Variants in SYT1 observed in about 807,000 individuals in gnomAD.
SYT1 encodes the protein synaptotagmin 1.
A neutral mutation model predicts 44.8 loss-of-function variants in SYT1; 8 were observed. That is an observed-to-expected ratio of 0.18 (90% CI 0.10 to 0.32). The LOEUF (loss-of-function observed/expected upper bound fraction) is 0.32, where lower values mean the gene tolerates loss of function less well. Ranked by LOEUF, SYT1 falls within the 10% of genes least tolerant of loss-of-function variation. The pLI, the probability that SYT1 is intolerant of heterozygous loss-of-function variation, is 1.00. For missense variants in SYT1, 286 were observed against 509.3 expected (o/e 0.56, Z 4.22); for synonymous variants, 154 against 188.8 (o/e 0.82, Z 1.51).
At chr12:79,018,809 T>G (rs1401089654) in intron 2 of SYT1, among the ~76,000 whole-genome samples, 1 of 152,084 alleles carries the variant, frequency 6.6e-6, no homozygotes, top group African/African-American at 2.4e-5. Flanking sequence ...GAAAGACATG[T>G]TAATCTCAGT....
intron 3 of SYT1, among the ~76,000 whole-genome samples, chr12:79,198,598 C>A (rs953207277): frequency 1.3e-5 from 2 of 152,136 alleles, no homozygotes; most frequent in African/African-American, 4.8e-5. Context: ...CATGAACTCT[C>A]TCTGGACGGT....
In SYT1 at chr12:79,144,217, C is replaced by A. The variant is rs191520248; in HGVS notation, c.-17-73286C>A. ...GTGGAATATACTGGCAGGCACCAGACTTATTTCTCCTGAATCTCAAAAGTG... is the reference window on the plus strand; with the variant it reads ...GTGGAATATACTGGCAGGCACCAGAATTATTTCTCCTGAATCTCAAAAGTG... On this transcript the variant is annotated intron_variant, in intron 3 of 10. Coordinates refer to ENST00000261205, the MANE Select transcript of SYT1 (RefSeq NM_005639.3). 3.8e-3 allele frequency among the ~76,000 whole-genome samples: 585 copies of A among 152,300 alleles called. 3 individuals carry two copies. The highest frequency in any genetic ancestry group is 0.013 in the African/African-American group (553 of 41,570).
chr12:79,195,520 A>T (rs2138470070), intron 3 of SYT1, among the ~76,000 whole-genome samples: 1 of 152,098 alleles, frequency 6.6e-6, no homozygotes, highest in South Asian at 2.1e-4. Flanking sequence ...AAAAAAAAAA[A>T]AAAAAGAGAA....
At chr12:79,063,380 T>G (rs1047460860) in intron 3 of SYT1, among the ~76,000 whole-genome samples, 1 of 152,218 alleles carries the variant, frequency 6.6e-6, no homozygotes, top group Non-Finnish European at 1.5e-5. Flanking sequence ...AGCATAATAA[T>G]GTTTTTGAGA....
intron 5 of SYT1, 119 bp from the exon 6 acceptor site, chr12:79,291,889 A>G (rs780504645): frequency 2.0e-5 from 25 of 1,219,554 alleles, no homozygotes; most frequent in Non-Finnish European, 2.9e-5. Context: ...TCAGACAAAC[A>G]GATTTCCAGC....
chr12:79,126,400 G>A (rs1354922972), intron 3 of SYT1, among the ~76,000 whole-genome samples: 2 of 152,056 alleles, frequency 1.3e-5, no homozygotes, highest in Non-Finnish European at 2.9e-5. Flanking sequence ...AGCTGGGATT[G>A]CAGGCATGTG....
chr12:79,304,489 T>A (rs1337615400), intron 8 of SYT1, among the ~76,000 whole-genome samples: 1 of 152,194 alleles, frequency 6.6e-6, no homozygotes, highest in Admixed American at 6.5e-5. Flanking sequence ...TTGTTTTTGG[T>A]TTTGAAAATG....
intron 1 of SYT1, among the ~76,000 whole-genome samples, chr12:78,973,233 AC>A (rs1383837087): frequency 9.2e-5 from 14 of 152,182 alleles, no homozygotes; most frequent in African/African-American, 3.4e-4. Context: ...CATATGCATT[AC>A]CTCAAATAAT....
At chr12:79,208,567 G>C (rs943013948) in intron 3 of SYT1, among the ~76,000 whole-genome samples, 1 of 152,156 alleles carries the variant, frequency 6.6e-6, no homozygotes, top group Non-Finnish European at 1.5e-5. Flanking sequence ...ACAGGAGAGA[G>C]GGATACGAGA....
intron 3 of SYT1, among the ~76,000 whole-genome samples, chr12:79,207,518 C>G (rs1257910681): frequency 6.6e-6 from 1 of 152,178 alleles, no homozygotes; most frequent in African/African-American, 2.4e-5. Context: ...TCCTGATGCT[C>G]TCCCTGCCCC....
intron 8 of SYT1, among the ~76,000 whole-genome samples, chr12:79,352,372 T>A (rs953535768): frequency 6.6e-6 from 1 of 152,172 alleles, no homozygotes; most frequent in East Asian, 1.9e-4. Context: ...TTTCTGTAGC[T>A]CATTCCTATG....
At chr12:79,052,454 T>C (rs931485261) in intron 3 of SYT1, among the ~76,000 whole-genome samples, 9 of 152,128 alleles carry the variant, frequency 5.9e-5, no homozygotes, top group African/African-American at 2.2e-4. Flanking sequence ...GGGCAAGGAC[T>C]TCATGTCTAA....
intron 3 of SYT1, among the ~76,000 whole-genome samples, chr12:79,070,429 G>A (rs376457195): frequency 1.1e-3 from 167 of 151,964 alleles, no homozygotes; most frequent in Non-Finnish European, 1.3e-3. Flanking sequence ...TTGATTATTA[G>A]CGTTGCATTA....
chr12:78,876,461 G>GTT lies in SYT1; in HGVS notation c.-217+11353_-217+11354insTT, dbSNP rs1491347037. 4.3e-4 allele frequency among the ~76,000 whole-genome samples: 13 copies of GTT among 30,232 alleles called. 2 individuals carry two copies. The highest frequency in any genetic ancestry group is 2.3e-3 in the South Asian group (3 of 1,300). The allele number at this position is 30,232 out of a possible 152,430, so 19.8% of individuals were successfully genotyped here. On this transcript the variant is annotated intron_variant, in intron 1 of 10. Coordinates refer to ENST00000261205, the MANE Select transcript of SYT1 (RefSeq NM_005639.3). ...ATAATAACATGTTTTGAAAATGGAGGTGTTTTTTTTTTTTTTTTTTTTGCC... is the reference window on the plus strand; with the variant it reads ...ATAATAACATGTTTTGAAAATGGAGGTTTGTTTTTTTTTTTTTTTTTTTTGCC...
At chr12:79,352,293 G>A (rs545771320) in intron 8 of SYT1, among the ~76,000 whole-genome samples, 1 of 151,702 alleles carries the variant, frequency 6.6e-6, no homozygotes, top group Non-Finnish European at 1.5e-5. Flanking sequence ...TAACATATAT[G>A]TCAAGTTATA....
intron 4 of SYT1, among the ~76,000 whole-genome samples, chr12:79,240,082 G>A (rs1170917851): frequency 1.3e-5 from 2 of 152,108 alleles, no homozygotes; most frequent in Non-Finnish European, 2.9e-5. Context: ...TTACAGTCAC[G>A]GATCTTTCCC....
At chr12:79,168,298 A>G (rs1871327469) in intron 3 of SYT1, among the ~76,000 whole-genome samples, 2 of 152,040 alleles carry the variant, frequency 1.3e-5, no homozygotes, top group South Asian at 4.1e-4. Context: ...TCCTAACTCA[A>G]TGGGTTGTTG....
chr12:79,243,794 AAAGT>A (rs1876655589), intron 4 of SYT1, among the ~76,000 whole-genome samples: 1 of 152,116 alleles, frequency 6.6e-6, no homozygotes, highest in African/African-American at 2.4e-5. Context: ...CTTAGCATAA[AAAGT>A]AAGGAAGGAG....
intron 4 of SYT1, among the ~76,000 whole-genome samples, chr12:79,275,163 G>A (rs1440267640): frequency 1.3e-5 from 2 of 152,146 alleles, no homozygotes; most frequent in Non-Finnish European, 2.9e-5. Context: ...CTCTATTCCA[G>A]AACTTTCTGC....
Sources: allele counts gnomAD v4.1 joint callset (sites outside exome capture counted in the v4.1 genomes callset), GRCh38; gene constraint gnomAD v4.1.1; transcripts MANE v1.5; gene names NCBI Gene and HGNC (gene_info 2026-07-23, HGNC 2026-07-21).